The following EPHX2 variants were observed in gnomAD, a reference collection of about 807,000 sequenced individuals.
The protein encoded by EPHX2 is bifunctional epoxide hydrolase 2.
EPHX2 carries 74 observed loss-of-function variants against 78.7 expected under a neutral mutation model. The ratio of observed to expected loss-of-function variants is 0.94; its 90% confidence interval spans 0.78 to 1.14. EPHX2 has a LOEUF of 1.14. Ranked by LOEUF, EPHX2 falls within the 50% of genes most tolerant of loss-of-function variation. EPHX2 has a pLI of 0.00. For synonymous variants in EPHX2, 251 were observed against 255.2 expected, an observed-to-expected ratio of 0.98 and a Z score of 0.16; for missense variants, 715 against 702.5, an observed-to-expected ratio of 1.02 and a Z score of -0.20.
intron 8 of EPHX2, among the ~76,000 whole-genome samples, chr8:27,517,703 C>T (rs1814507236): frequency 1.3e-5 from 2 of 152,134 alleles, no homozygotes; most frequent in South Asian, 4.1e-4. Context: ...TGAAATTGGA[C>T]CTTTATCTTA....
chr8:27,531,679 G>A (rs774409653), intron 12 of EPHX2, among the ~76,000 whole-genome samples: 4 of 152,186 alleles, frequency 2.6e-5, no homozygotes, highest in Non-Finnish European at 5.9e-5. Flanking sequence ...AGGGCTGAGT[G>A]GGGGCTTCGT....
intron 5 of EPHX2, 97 bp downstream of exon 5, chr8:27,507,091 T>A (rs1814039851): frequency 6.7e-7 from 1 of 1,491,094 alleles, no homozygotes; most frequent in Non-Finnish European, 9.0e-7. Context: ...GTCCGTGGAG[T>A]CCATGAATGA....
Position 27,536,873 on chromosome 8 carries a change from G to A in EPHX2, c.1242+18G>A, listed in dbSNP as rs1815231160. On this transcript the variant is annotated intron_variant, in intron 13 of 18. Coordinates refer to ENST00000521400, the MANE Select transcript of EPHX2 (RefSeq NM_001979.6). Reference sequence around the variant, plus strand: ...GCGATGAGGTGAGGGGTGGGGATGGGTGCAGAAGAACAGGAGGGGGCAGTT... The same window carrying A: ...GCGATGAGGTGAGGGGTGGGGATGGATGCAGAAGAACAGGAGGGGGCAGTT... The A allele has an allele frequency of 6.2e-7, 1 of 1,613,726 alleles. No homozygotes were observed. The highest frequency in any genetic ancestry group is 8.5e-7 in the Non-Finnish European group (1 of 1,179,880).
chr8:27,526,963 C>T (rs1320462028), intron 12 of EPHX2, among the ~76,000 whole-genome samples: 2 of 151,940 alleles, frequency 1.3e-5, no homozygotes, highest in Non-Finnish European at 2.9e-5. Context: ...TTATTTGAGG[C>T]GGAGTCGCCC....
chr8:27,540,724 G>T, intron 15 of EPHX2, 68 bp downstream of exon 15: 1 of 1,490,094 alleles, frequency 6.7e-7, no homozygotes, highest in East Asian at 2.3e-5. Flanking sequence ...CAGCCCTCAG[G>T]GTGGAGGGTG....
intron 9 of EPHX2, among the ~76,000 whole-genome samples, chr8:27,519,480 G>A (rs72475865): frequency 9.2e-5 from 14 of 152,312 alleles, no homozygotes; most frequent in African/African-American, 2.2e-4. Context: ...GCTGTCTTCC[G>A]TCCCCCTCCA....
In EPHX2 at chr8:27,536,813, C is replaced by T. The variant is rs186308307; in HGVS notation, c.1200C>T (p.Asn400=). ...PGVAEAELEQ[N]LSRTFKSLFR... ...TGGCTGAGGCTGAACTGGAACAGAA[C>T]CTGAGTCGGACTTTCAAAAGCCTCT... The change falls in exon 13 of 19, where the codon AAC becomes AAT. Residue 400 remains asparagine (N), a synonymous_variant. Transcript: ENST00000521400. The T allele has an allele frequency of 1.2e-6, 2 of 1,612,642 alleles. No individual in the cohort carries two copies. Among genetic ancestry groups the T allele is most frequent in the Non-Finnish European group, 1.7e-6 (2 of 1,179,284 alleles).
chr8:27,496,318 T>C (rs778483185), intron 1 of EPHX2, among the ~76,000 whole-genome samples: 1 of 152,190 alleles, frequency 6.6e-6, no homozygotes, highest in Non-Finnish European at 1.5e-5. Context: ...ACTTGAGAAG[T>C]GGCCTAGATC....
Position 27,528,035 on chromosome 8 carries a change from G to A in EPHX2, c.1170+2562G>A, listed in dbSNP as rs115623991. On this transcript the variant is annotated intron_variant, in intron 12 of 18. Transcript: ENST00000521400. ...TGGAGGGGAGCTTGGGCTTTGTTCTGTGCGCTATGGGGAGTCAAGCAGAGA... is the reference window on the plus strand; with the variant it reads ...TGGAGGGGAGCTTGGGCTTTGTTCTATGCGCTATGGGGAGTCAAGCAGAGA... Among the ~76,000 whole-genome samples, 1,429 of 152,198 alleles carry A rather than the reference G, an allele frequency of 9.4e-3. 30 individuals are homozygous for A. Among genetic ancestry groups the A allele is most frequent in the African/African-American group, 0.033 (1,381 of 41,504 alleles).
intron 9 of EPHX2, 45 bp downstream of exon 9, chr8:27,518,117 G>T (rs1289048162): frequency 2.6e-6 from 4 of 1,564,974 alleles, no homozygotes; most frequent in East Asian, 2.2e-5. Flanking sequence ...TGCGATTTTT[G>T]TTGCTATAAA....
intron 14 of EPHX2, 198 bp downstream of exon 14, chr8:27,538,890 A>T: frequency 1.7e-6 from 1 of 603,320 alleles, no homozygotes; most frequent in Non-Finnish European, 3.0e-6. Flanking sequence ...CCTACCCTCT[A>T]GGGAGCTGTG....
Position 27,503,763 on chromosome 8 carries a change from G to A in EPHX2, c.346G>A (p.Gly116Arg). Residue 116 changes from glycine to arginine, a missense_variant and splice_region_variant, in exon 3 of 19, where the codon GGA becomes AGA. By Grantham distance (125) the Gly-to-Arg change is moderately radical. Transcript: ENST00000521400. Reference sequence around the variant, plus strand: ...GGCAGCTCTCATGCTCAGGAAGAAAGGTAAGGATCTGATACTGGCCAATCT... The same window carrying A: ...GGCAGCTCTCATGCTCAGGAAGAAAAGTAAGGATCTGATACTGGCCAATCT... ...LQAALMLRKK[G>R]FTTAILTNTW... 1.2e-6 allele frequency: 2 copies of A among 1,610,328 alleles called. No individual in the cohort carries two copies. The highest frequency in any genetic ancestry group is 1.7e-6 in the Non-Finnish European group (2 of 1,179,834).
intron 12 of EPHX2, among the ~76,000 whole-genome samples, chr8:27,527,130 TG>T (rs1814874386): frequency 6.6e-6 from 1 of 152,096 alleles, no homozygotes; most frequent in Non-Finnish European, 1.5e-5. Flanking sequence ...TTTGTTTGTT[TG>T]TATTTTTAGT....
At chr8:27,493,541 T>G (rs1311130420) in intron 1 of EPHX2, among the ~76,000 whole-genome samples, 1 of 152,172 alleles carries the variant, frequency 6.6e-6, no homozygotes, top group East Asian at 1.9e-4. Flanking sequence ...GCTATTCTGG[T>G]TCCTGTAGCA....
chr8:27,513,259 G>A (rs1814320508), intron 6 of EPHX2, among the ~76,000 whole-genome samples: 1 of 152,196 alleles, frequency 6.6e-6, no homozygotes, highest in Admixed American at 6.5e-5. Flanking sequence ...CTACTGCTCA[G>A]CGCCACTGAC....
rs532647785 is a variant in EPHX2, at chr8:27,510,930, C to T, written c.661-906C>T. On this transcript the variant is annotated intron_variant, in intron 5 of 18. Coordinates refer to ENST00000521400, the MANE Select transcript of EPHX2 (RefSeq NM_001979.6). ...CATCACTGCATGTCAGCCTGGATGA[C>T]AGAGCAGAGACCCCCAAAAAAGGGA... is the stretch of plus-strand genomic sequence containing the variant. Among the ~76,000 whole-genome samples the T allele has an allele frequency of 4.6e-5, 7 of 152,184 alleles. No homozygotes were observed. The South Asian group carries it at 1.5e-3, about 32-fold the overall frequency.
Position 27,538,689 on chromosome 8 carries a change from G to C in EPHX2, c.1273G>C (p.Ala425Pro), listed in dbSNP as rs1815290219. The change falls in exon 14 of 19, where the codon GCG becomes CCG. Residue 425 changes from alanine to proline, a missense_variant. Ala to Pro is a conservative substitution (Grantham distance 27, BLOSUM62 -1). Coordinates refer to ENST00000521400, the MANE Select transcript of EPHX2 (RefSeq NM_001979.6). Reference protein sequence around the residue: ...SVLSMHKVCEAGGLFVNSPEE... With the variant: ...SVLSMHKVCEPGGLFVNSPEE... ...TTTATCCATGCATAAAGTCTGTGAAGCGGGTAAGAGACATGCTTGGGAGAG... is the reference window on the plus strand; with the variant it reads ...TTTATCCATGCATAAAGTCTGTGAACCGGGTAAGAGACATGCTTGGGAGAG... 1 of 1,613,830 alleles carries C rather than the reference G, an allele frequency of 6.2e-7. No individual in the cohort carries two copies. The highest frequency in any genetic ancestry group is 8.5e-7 in the Non-Finnish European group (1 of 1,179,736).
At chr8:27,492,404 G>T (rs1313518742) in intron 1 of EPHX2, among the ~76,000 whole-genome samples, 4 of 152,184 alleles carry the variant, frequency 2.6e-5, no homozygotes, top group African/African-American at 9.7e-5. Context: ...AGCTACTTGG[G>T]AGGCTAAGGC....
At chr8:27,546,066 C>T (rs1349122896), downstream of EPHX2, among the ~76,000 whole-genome samples, 1 of 143,968 alleles carries the variant, frequency 6.9e-6, no homozygotes, top group Non-Finnish European at 1.5e-5. Context: ...GCTTTTTCTA[C>T]AAAAAAATGT....
Sources: allele counts gnomAD v4.1 joint callset (sites outside exome capture counted in the v4.1 genomes callset), GRCh38; gene constraint gnomAD v4.1.1; transcripts MANE v1.5; gene names NCBI Gene and HGNC (gene_info 2026-07-23, HGNC 2026-07-21).